The following SAMD3 variants were observed in gnomAD, a reference collection of about 807,000 sequenced individuals.
SAMD3 encodes the protein sterile alpha motif domain-containing protein 3.
Under a neutral mutation model 58.5 loss-of-function variants are expected in SAMD3, and 63 were observed. The observed-to-expected ratio is 1.08, with a 90% CI of 0.88 to 1.33. The LOEUF (loss-of-function observed/expected upper bound fraction) is 1.33, where lower values mean the gene tolerates loss of function less well. Among genes scored for constraint, SAMD3 ranks in the 40% most tolerant of loss-of-function variants. SAMD3 has a pLI of 0.00. For synonymous variants in SAMD3, 220 were observed against 210.3 expected (o/e 1.05, Z -0.40); for missense variants, 604 against 608.4 (o/e 0.99, Z 0.08).
At chr6:130,213,887 G>C (rs1287177524) in intron 4 of SAMD3, among the ~76,000 whole-genome samples, 1 of 152,060 alleles carries the variant, frequency 6.6e-6, no homozygotes, top group Non-Finnish European at 1.5e-5. Flanking sequence ...CATCGTAAAG[G>C]CATCTAGAGA....
chr6:130,209,633 C>A, intron 4 of SAMD3, 25 bp from the exon 5 acceptor site: 1 of 1,464,536 alleles, frequency 6.8e-7, no homozygotes, highest in Non-Finnish European at 9.6e-7. Flanking sequence ...GTGGGTCAGG[C>A]ACTATTCAAG....
At chr6:130,359,217 A>G (rs1777917493) in intron 1 of SAMD3, among the ~76,000 whole-genome samples, 1 of 152,228 alleles carries the variant, frequency 6.6e-6, no homozygotes, top group Non-Finnish European at 1.5e-5. Context: ...TTATCACTAT[A>G]TACAATACTA....
chr6:130,261,643 A>T (rs897692527), intron 2 of SAMD3, among the ~76,000 whole-genome samples: 13 of 152,168 alleles, frequency 8.5e-5, no homozygotes, highest in Non-Finnish European at 1.5e-4. Flanking sequence ...TCAGGCACAA[A>T]TAAGCTCACC....
intron 5 of SAMD3, among the ~76,000 whole-genome samples, chr6:130,206,854 G>T (rs1261178300): frequency 1.3e-5 from 2 of 152,138 alleles, no homozygotes; most frequent in African/African-American, 4.8e-5. Context: ...GTCCTTTGAT[G>T]AGCCATGTGA....
intron 8 of SAMD3, among the ~76,000 whole-genome samples, chr6:130,171,541 C>T (rs1292226771): frequency 2.6e-5 from 4 of 152,178 alleles, no homozygotes; most frequent in Non-Finnish European, 5.9e-5. Flanking sequence ...TTTCTTAATC[C>T]TGAGCTCTAA....
intron 1 of SAMD3, among the ~76,000 whole-genome samples, chr6:130,332,375 A>G (rs1386312373): frequency 1.3e-5 from 2 of 152,198 alleles, no homozygotes; most frequent in Admixed American, 6.5e-5. Flanking sequence ...AAGCATCTAT[A>G]TATATGAGTT....
At chr6:130,313,311 T>G (rs928687282) in intron 1 of SAMD3, among the ~76,000 whole-genome samples, 3 of 152,204 alleles carry the variant, frequency 2.0e-5, no homozygotes, top group African/African-American at 7.2e-5. Flanking sequence ...TGTGTATTTG[T>G]AGGATGTTTA....
chr6:130,296,928 A>T (rs1042320416), intron 2 of SAMD3, among the ~76,000 whole-genome samples: 1 of 151,890 alleles, frequency 6.6e-6, no homozygotes, highest in Non-Finnish European at 1.5e-5. Flanking sequence ...GTTGGTACAC[A>T]CCCCAGCCCC....
At chr6:130,330,747 T>C (rs1415748210) in intron 1 of SAMD3, among the ~76,000 whole-genome samples, 1 of 152,180 alleles carries the variant, frequency 6.6e-6, no homozygotes, top group Non-Finnish European at 1.5e-5. Flanking sequence ...TTTCTTCTGA[T>C]GAGCTGAGTG....
At position 130,348,256 on chromosome 6, in the gene SAMD3, T is replaced by G. The variant is rs138192904; in HGVS notation, c.-304+16864A>C. 7.1e-3 allele frequency among the ~76,000 whole-genome samples: 1,080 copies of G among 152,326 alleles called. 12 individuals carry two copies. The highest frequency in any genetic ancestry group is 0.017 in the Middle Eastern group (5 of 294). ...TAACCTTAAATGTAAATGGATTAAA[T>G]GCTCCAATTAAAAGAGACAGACTGG... On this transcript the variant is annotated intron_variant, in intron 1 of 13. Coordinates refer to the SAMD3 transcript ENST00000368134.
chr6:130,204,270 G>C (rs2114799865), intron 5 of SAMD3, among the ~76,000 whole-genome samples: 1 of 152,152 alleles, frequency 6.6e-6, no homozygotes, highest in Admixed American at 6.5e-5. Context: ...AAACAGGGTA[G>C]ACAAAAAAGC....
chr6:130,180,742 T>C (rs529079178), intron 7 of SAMD3, among the ~76,000 whole-genome samples: 113 of 152,248 alleles, frequency 7.4e-4, no homozygotes, highest in African/African-American at 2.7e-3. Context: ...GACAGAGTGC[T>C]ACTCACACCT....
chr6:130,148,926 GT>G (rs1161023681), intron 9 of SAMD3, among the ~76,000 whole-genome samples: 6 of 152,096 alleles, frequency 3.9e-5, no homozygotes, highest in Non-Finnish European at 5.9e-5. Context: ...CTACGGAGAT[GT>G]TATTGCTTTA....
intron 1 of SAMD3, among the ~76,000 whole-genome samples, chr6:130,327,661 C>T (rs1335815282): frequency 6.6e-6 from 1 of 152,160 alleles, no homozygotes; most frequent in Non-Finnish European, 1.5e-5. Flanking sequence ...ACTAAATTGA[C>T]AGCTGGTATT....
At chr6:130,249,282 T>C (rs1773661389) in intron 2 of SAMD3, among the ~76,000 whole-genome samples, 1 of 152,232 alleles carries the variant, frequency 6.6e-6, no homozygotes, top group Non-Finnish European at 1.5e-5. Flanking sequence ...GTATCTCTTT[T>C]ACACCTATTG....
intron 8 of SAMD3, chr6:130,159,691 GA>G (rs1193292162): frequency 2.0e-5 from 3 of 152,042 alleles, no homozygotes; most frequent in African/African-American, 7.2e-5. Context: ...AAAGACACCA[GA>G]AAGAAATTTA....
At chr6:130,345,595 C>A (rs1306629310) in intron 1 of SAMD3, among the ~76,000 whole-genome samples, 2 of 151,924 alleles carry the variant, frequency 1.3e-5, no homozygotes, top group Non-Finnish European at 2.9e-5. Flanking sequence ...TCCTGAAACA[C>A]CCCCGAGAGG....
At chr6:130,174,512 T>A (rs186663390) in intron 8 of SAMD3, among the ~76,000 whole-genome samples, 42 of 152,166 alleles carry the variant, frequency 2.8e-4, no homozygotes, top group Admixed American at 3.9e-4. Context: ...CCAGTCCCAA[T>A]GAGATGAAGT....
chr6:130,151,065 C>T (rs1272517417), intron 9 of SAMD3, among the ~76,000 whole-genome samples: 3 of 152,070 alleles, frequency 2.0e-5, no homozygotes, highest in Admixed American at 6.5e-5. Context: ...CAAGGATCCC[C>T]AGGGGATCCG....
Sources: gnomAD v4.1 joint callset for allele counts (sites outside exome capture counted in the v4.1 genomes callset) on GRCh38, gnomAD v4.1.1 for gene constraint, MANE v1.5 for transcripts, NCBI Gene and HGNC (gene_info 2026-07-23, HGNC 2026-07-21) for gene names.